Variants in GNAQ observed in about 807,000 individuals in gnomAD.
GNAQ encodes the protein G protein subunit alpha q, also known as guanine nucleotide-binding protein G(q) subunit alpha.
In GNAQ, 8 loss-of-function variants were observed where a neutral mutation model predicts 43.9. That is an observed-to-expected ratio of 0.18 (90% CI 0.11 to 0.33). GNAQ has a LOEUF of 0.33. Ranked by LOEUF, GNAQ falls within the 10% of genes least tolerant of loss-of-function variation. The pLI, the probability that GNAQ is intolerant of heterozygous loss-of-function variation, is 1.00. For synonymous variants in GNAQ, 155 were observed against 170.7 expected, an observed-to-expected ratio of 0.91 and a Z score of 0.71; for missense variants, 158 against 450.8, an observed-to-expected ratio of 0.35 and a Z score of 5.88.
intron 5 of GNAQ, among the ~76,000 whole-genome samples, chr9:77,752,142 AT>A (rs1444685724): frequency 6.6e-6 from 1 of 152,254 alleles, no homozygotes; most frequent in Non-Finnish European, 1.5e-5. Flanking sequence ...TCTGACAAGT[AT>A]TTCTGTTTGC....
rs192299522 is a variant in GNAQ at position 77,930,372 on chromosome 9, C to A, written c.137-8027G>T. On this transcript the variant is annotated intron_variant, in intron 1 of 6. Coordinates refer to ENST00000286548, the MANE Select transcript of GNAQ (RefSeq NM_002072.5). ...ATTTAAGGACTTGCTGTTTTTCCTA[C>A]TCGTTTTTTAAAACAATGTAGTTTT... Among the ~76,000 whole-genome samples the A allele has an allele frequency of 4.9e-3, 743 of 152,242 alleles. 4 individuals carry two copies. Among genetic ancestry groups the A allele is most frequent in the Non-Finnish European group, 8.5e-3 (580 of 68,016 alleles).
At chr9:77,804,159 T>C (rs1186319439) in intron 3 of GNAQ, among the ~76,000 whole-genome samples, 1 of 152,168 alleles carries the variant, frequency 6.6e-6, no homozygotes, top group East Asian at 1.9e-4. Context: ...TTGACATGAA[T>C]GCAAACTGAT....
intron 2 of GNAQ, among the ~76,000 whole-genome samples, chr9:77,912,869 T>G (rs1380833409): frequency 6.6e-6 from 1 of 152,150 alleles, no homozygotes; most frequent in African/African-American, 2.4e-5. Flanking sequence ...AAAAGACTAC[T>G]GGGTGAGGTG....
At chr9:77,758,834 G>C (rs922377932) in intron 5 of GNAQ, among the ~76,000 whole-genome samples, 1 of 151,862 alleles carries the variant, frequency 6.6e-6, no homozygotes, top group East Asian at 1.9e-4. Context: ...ATCTCTGCAC[G>C]TAAGTTTTTG....
chr9:77,942,169 A>T (rs1829325437), intron 1 of GNAQ, among the ~76,000 whole-genome samples: 1 of 152,222 alleles, frequency 6.6e-6, no homozygotes, highest in Admixed American at 6.5e-5. Context: ...TACTTCAAAG[A>T]TGTAACAGAA....
At chr9:77,951,185 C>T (rs963904891) in intron 1 of GNAQ, among the ~76,000 whole-genome samples, 4 of 149,226 alleles carry the variant, frequency 2.7e-5, no homozygotes, top group African/African-American at 9.9e-5. Flanking sequence ...GCAACCTCCA[C>T]CTCCTGGGTT....
chr9:77,888,615 G>A (rs535781266), intron 2 of GNAQ, among the ~76,000 whole-genome samples: 50 of 152,246 alleles, frequency 3.3e-4, no homozygotes, highest in African/African-American at 1.1e-3. Flanking sequence ...CCTAAGGTTG[G>A]AGTTCTGCTT....
chr9:77,726,819 G>C (rs550942054), intron 6 of GNAQ, among the ~76,000 whole-genome samples: 6 of 152,210 alleles, frequency 3.9e-5, no homozygotes, highest in Non-Finnish European at 8.8e-5. Flanking sequence ...CAGACAGTGA[G>C]TGGCAAAGTG....
chr9:77,780,685 G>A (rs929730901), intron 5 of GNAQ, among the ~76,000 whole-genome samples: 4 of 151,840 alleles, frequency 2.6e-5, no homozygotes, highest in Admixed American at 6.6e-5. Context: ...AGGAACCTTT[G>A]TACTGTTCTC....
At chr9:77,996,441 A>G (rs1416113932) in intron 1 of GNAQ, among the ~76,000 whole-genome samples, 1 of 152,182 alleles carries the variant, frequency 6.6e-6, no homozygotes, top group Non-Finnish European at 1.5e-5. Context: ...GCACTTTGGG[A>G]AGCCGAGGCG....
intron 1 of GNAQ, among the ~76,000 whole-genome samples, chr9:77,960,841 T>C (rs1328964730): frequency 6.6e-6 from 1 of 152,150 alleles, no homozygotes; most frequent in Non-Finnish European, 1.5e-5. Flanking sequence ...GTTTACATCC[T>C]TTCCTGTATT....
intron 2 of GNAQ, among the ~76,000 whole-genome samples, chr9:77,882,927 T>A (rs984454266): frequency 2.0e-5 from 3 of 152,184 alleles, no homozygotes; most frequent in Non-Finnish European, 4.4e-5. Flanking sequence ...TCCATACCAA[T>A]AAGTCTATTG....
At chr9:77,794,169 T>C (rs1826621236) in intron 5 of GNAQ, among the ~76,000 whole-genome samples, 1 of 152,176 alleles carries the variant, frequency 6.6e-6, no homozygotes, top group Non-Finnish European at 1.5e-5. Flanking sequence ...AGGAAGACTA[T>C]AAAATGATCT....
At chr9:77,805,263 A>C (rs1274462567) in intron 3 of GNAQ, among the ~76,000 whole-genome samples, 2 of 152,170 alleles carry the variant, frequency 1.3e-5, no homozygotes, top group African/African-American at 4.8e-5. Context: ...TGCTCACTCC[A>C]CAAACACTTC....
intron 1 of GNAQ, among the ~76,000 whole-genome samples, chr9:77,943,435 G>A (rs770211208): frequency 3.9e-5 from 6 of 152,166 alleles, no homozygotes; most frequent in Admixed American, 1.3e-4. Context: ...CCTTTTCTGC[G>A]ATTAAAATGT....
intron 2 of GNAQ, among the ~76,000 whole-genome samples, chr9:77,848,717 C>T (rs1165914106): frequency 2.0e-5 from 3 of 152,214 alleles, no homozygotes; most frequent in Non-Finnish European, 2.9e-5. Context: ...ATTGGCCTCT[C>T]ATCAGAGCCA....
intron 2 of GNAQ, among the ~76,000 whole-genome samples, chr9:77,866,153 G>A (rs950285713): frequency 9.9e-5 from 15 of 152,252 alleles, no homozygotes; most frequent in African/African-American, 3.6e-4. Flanking sequence ...TCACTAGCTG[G>A]TAGAATAAAG....
Position 77,797,558 on chromosome 9 carries a change from G to A in GNAQ, c.567C>T (p.Ile189=), listed in dbSNP as rs2118455482. 6.2e-7 allele frequency: 1 copy of A among 1,612,200 alleles called. No homozygotes were observed. The highest frequency in any genetic ancestry group is 8.5e-7 in the Non-Finnish European group (1 of 1,178,264). ...VLRVRVPTTG[I]IEYPFDLQSV... is the part of the protein sequence containing the mutation. ...TTTGTAAGTCAAAGGGGTATTCGAT[G>A]ATCCCTGTGGTGGGGACTCGAACTC... The change falls in exon 4 of 7, where the codon ATC becomes ATT. Residue 189 remains isoleucine (I), a synonymous_variant. Coordinates refer to ENST00000286548, the MANE Select transcript of GNAQ (RefSeq NM_002072.5).
rs548114783 is a variant in GNAQ at position 77,857,583 on chromosome 9, A to G, written c.322-41813T>C. Among the ~76,000 whole-genome samples, 3 of 146,900 alleles carry G rather than the reference A, an allele frequency of 2.0e-5. No homozygotes were observed. In the South Asian group the frequency reaches 6.8e-4, roughly 33 times the overall value. On this transcript the variant is annotated intron_variant, in intron 2 of 6. Coordinates refer to ENST00000286548, the MANE Select transcript of GNAQ (RefSeq NM_002072.5). ...GAAGGAAGGAAGGAAGGAAGGGTAG[A>G]AAAGAGAAGGGTAGGGAAGGAAAGG...
Sources: allele counts gnomAD v4.1 joint callset (sites outside exome capture counted in the v4.1 genomes callset), GRCh38; gene constraint gnomAD v4.1.1; transcripts MANE v1.5; gene names NCBI Gene and HGNC (gene_info 2026-07-23, HGNC 2026-07-21).